Variants in PGBD5 observed in about 807,000 individuals in gnomAD.
The protein encoded by PGBD5 is piggyBac transposable element-derived protein 5.
A neutral mutation model predicts 47.9 loss-of-function variants in PGBD5; 14 were observed. That is an observed-to-expected ratio of 0.29 (90% CI 0.19 to 0.46). PGBD5 has a LOEUF of 0.46. Among genes scored for constraint, PGBD5 ranks in the 20% least tolerant of loss-of-function variants. The pLI, the probability that PGBD5 is intolerant of heterozygous loss-of-function variation, is 1.00. For synonymous variants in PGBD5, 316 were observed against 306.3 expected, an observed-to-expected ratio of 1.03 and a Z score of -0.33; for missense variants, 635 against 716.0, an observed-to-expected ratio of 0.89 and a Z score of 1.29.
chr1:230,374,406 G>C (rs953870959), intron 1 of PGBD5, among the ~76,000 whole-genome samples: 2 of 152,154 alleles, frequency 1.3e-5, no homozygotes, highest in Non-Finnish European at 2.9e-5. Flanking sequence ...AACAGAGTAA[G>C]ACTCCATCTC....
At chr1:230,388,064 C>T (rs1048060285) in intron 1 of PGBD5, among the ~76,000 whole-genome samples, 4 of 152,254 alleles carry the variant, frequency 2.6e-5, no homozygotes, top group South Asian at 2.1e-4. Context: ...CAGCAGCCCC[C>T]GCCAACCAAT....
intron 1 of PGBD5, among the ~76,000 whole-genome samples, chr1:230,402,299 G>C (rs1330973211): frequency 6.6e-6 from 1 of 152,246 alleles, no homozygotes; most frequent in East Asian, 1.9e-4. Context: ...GCCCACAGAA[G>C]TCCACGTGGC....
intron 5 of PGBD5, among the ~76,000 whole-genome samples, chr1:230,327,385 C>G (rs12727369): frequency 0.48 from 72,625 of 151,976 alleles, 18,706 homozygotes; most frequent in Non-Finnish European, 0.57. Flanking sequence ...GCTGAGGAGA[C>G]CAGGGTCGCG....
intron 1 of PGBD5, among the ~76,000 whole-genome samples, chr1:230,420,537 A>G (rs984673720): frequency 6.6e-6 from 1 of 152,172 alleles, no homozygotes; most frequent in Non-Finnish European, 1.5e-5. Flanking sequence ...TCATGGGGGC[A>G]GTTCCCCCCA....
intron 1 of PGBD5, among the ~76,000 whole-genome samples, chr1:230,359,342 G>T (rs976439976): frequency 6.6e-6 from 1 of 152,168 alleles, no homozygotes; most frequent in Non-Finnish European, 1.5e-5. Context: ...GGGATTACAG[G>T]TGTGAGCCAC....
At chr1:230,368,545 G>A (rs1667878587) in intron 1 of PGBD5, among the ~76,000 whole-genome samples, 1 of 152,252 alleles carries the variant, frequency 6.6e-6, no homozygotes, top group Non-Finnish European at 1.5e-5. Flanking sequence ...TGCGGAGTGA[G>A]TGAATGAGTG....
chr1:230,345,154 T>C (rs556257731), intron 3 of PGBD5, among the ~76,000 whole-genome samples: 1 of 152,354 alleles, frequency 6.6e-6, no homozygotes, highest in South Asian at 2.1e-4. Context: ...TGGGGTTCCA[T>C]TAATCACTAA....
At chr1:230,326,631 A>G (rs1352984917) in intron 5 of PGBD5, among the ~76,000 whole-genome samples, 1 of 152,008 alleles carries the variant, frequency 6.6e-6, no homozygotes. Flanking sequence ...GCTAATTAAA[A>G]CAATTTTTTA....
In PGBD5 at chr1:230,325,327, G is replaced by A. The variant is rs1306224456; in HGVS notation, c.1362C>T (p.Tyr454=). ...FAAHLSYICR[Y]DDKYSKYFIS... is the part of the protein sequence containing the mutation. ...CCACTTACTTGCTGTATTTGTCATC[G>A]TATCTGCAGATGTAGCTCAGGTGAG... Residue 454 remains tyrosine (Y), a synonymous_variant, in exon 6 of 7, where the codon TAC becomes TAT. Coordinates refer to ENST00000391860, the MANE Select transcript of PGBD5 (RefSeq NM_001258311.2). 2 of 1,612,632 alleles carry A rather than the reference G, an allele frequency of 1.2e-6. No homozygotes were observed. The highest frequency in any genetic ancestry group is 1.7e-6 in the Non-Finnish European group (2 of 1,179,332).
At chr1:230,388,356 G>A (rs1463321542) in intron 1 of PGBD5, among the ~76,000 whole-genome samples, 3 of 152,130 alleles carry the variant, frequency 2.0e-5, no homozygotes, top group South Asian at 4.1e-4. Flanking sequence ...ACTCAGACGC[G>A]CACTGAATCG....
rs1006572656 is a variant in PGBD5, at chr1:230,319,922, G to T, written c.*3503C>A. The T allele has an allele frequency of 8.1e-5, 12 of 148,736 alleles. No homozygotes were observed. The highest frequency in any genetic ancestry group is 1.0e-4 in the Non-Finnish European group (7 of 67,654). The allele number at this position is 148,736 out of a possible 1,614,324, so 9.2% of individuals were successfully genotyped here. ...TCTGTCACCCAGGCTGGAGTGCAGT[G>T]GTGCGATCTTGGCTCACTGCAGCCT... is the stretch of plus-strand genomic sequence containing the variant. On this transcript the variant is annotated 3_prime_UTR_variant, in exon 7 of 7. Coordinates refer to ENST00000391860, the MANE Select transcript of PGBD5 (RefSeq NM_001258311.2).
chr1:230,373,265 C>T (rs563272557), intron 1 of PGBD5, among the ~76,000 whole-genome samples: 1 of 152,344 alleles, frequency 6.6e-6, no homozygotes, highest in East Asian at 1.9e-4. Flanking sequence ...GGAATGAGCA[C>T]AGCAGGACTT....
intron 1 of PGBD5, among the ~76,000 whole-genome samples, chr1:230,416,446 C>T (rs1020530091): frequency 6.6e-6 from 1 of 152,196 alleles, no homozygotes; most frequent in East Asian, 1.9e-4. Context: ...CACATTTTTA[C>T]CATATACTGT....
intron 1 of PGBD5, among the ~76,000 whole-genome samples, chr1:230,377,305 G>T (rs1399495218): frequency 6.6e-6 from 1 of 152,234 alleles, no homozygotes; most frequent in African/African-American, 2.4e-5. Context: ...GTGGTTTGCA[G>T]AATCAGAGAG....
At chr1:230,335,770 GACAGACACACACA>G (rs1558192741) in intron 4 of PGBD5, among the ~76,000 whole-genome samples, 7 of 358 alleles carry the variant, frequency 0.02, no homozygotes, top group South Asian at 0.1. Context: ...CACAGATACA[GACAGACACACACA>G]CACACACAGG....
intron 1 of PGBD5, among the ~76,000 whole-genome samples, chr1:230,370,841 T>C (rs566664839): frequency 2.6e-5 from 4 of 152,342 alleles, no homozygotes; most frequent in Admixed American, 2.6e-4. Flanking sequence ...AGAGCCCCTT[T>C]GGTGTTCACC....
chr1:230,389,132 CA>C (rs1327631009), intron 1 of PGBD5, among the ~76,000 whole-genome samples: 2 of 152,050 alleles, frequency 1.3e-5, no homozygotes, highest in African/African-American at 4.8e-5. Flanking sequence ...TGCTATGATG[CA>C]AAACCCTTGG....
chr1:230,333,314 T>C (rs1667252698), intron 4 of PGBD5, among the ~76,000 whole-genome samples: 1 of 152,114 alleles, frequency 6.6e-6, no homozygotes, highest in Non-Finnish European at 1.5e-5. Flanking sequence ...GCACAAGCAA[T>C]GGATCGGCAG....
intron 5 of PGBD5, among the ~76,000 whole-genome samples, chr1:230,325,677 C>G (rs10735524): frequency 0.98 from 149,215 of 152,224 alleles, 73,198 homozygotes; most frequent in East Asian, 1. Context: ...TTACAGGCCT[C>G]TAGGATCCTG....
Sources: allele counts gnomAD v4.1 joint callset (sites outside exome capture counted in the v4.1 genomes callset), GRCh38; gene constraint gnomAD v4.1.1; transcripts MANE v1.5; gene names NCBI Gene and HGNC (gene_info 2026-07-23, HGNC 2026-07-21).